STOX2: variants seen among roughly 807,000 people sequenced by gnomAD.
The protein encoded by STOX2 is storkhead-box protein 2.
Under a neutral mutation model 60.9 loss-of-function variants are expected in STOX2, and 28 were observed. That is an observed-to-expected ratio of 0.46 (90% CI 0.34 to 0.63). The LOEUF (loss-of-function observed/expected upper bound fraction) is 0.63, where lower values mean the gene tolerates loss of function less well. Ranked by LOEUF, STOX2 falls within the 30% of genes least tolerant of loss-of-function variation. The pLI is 0.01. For synonymous variants in STOX2, 472 were observed against 463.9 expected (o/e 1.02, Z -0.22); for missense variants, 1,024 against 1,187.7 (o/e 0.86, Z 2.03).
chr4:183,804,313 G>A (rs142429547), intron 1 of STOX2, among the ~76,000 whole-genome samples: 2 of 152,324 alleles, frequency 1.3e-5, no homozygotes, highest in South Asian at 2.1e-4. Flanking sequence ...ATGACTACTC[G>A]ACAGTACCTC....
chr4:183,932,479 A>G (rs1028035228), intron 1 of STOX2, among the ~76,000 whole-genome samples: 2 of 137,400 alleles, frequency 1.5e-5, no homozygotes, highest in African/African-American at 3.1e-5. Flanking sequence ...GTATGTATAC[A>G]TACAGTATAT....
At chr4:183,829,912 G>A (rs1447443218) in intron 1 of STOX2, among the ~76,000 whole-genome samples, 2 of 152,256 alleles carry the variant, frequency 1.3e-5, no homozygotes, top group Admixed American at 6.5e-5. Flanking sequence ...CATCTGCTGT[G>A]TGTGCTGGGT....
At position 183,865,220 on chromosome 4, in the gene STOX2, A is replaced by T. The variant is rs1740536229; in HGVS notation, c.364+67165A>T. On this transcript the variant is annotated intron_variant, in intron 1 of 2. Coordinates refer to the STOX2 transcript ENST00000513034. This position sits in a 1 kb window ranked among gnomAD's most constrained non-coding sequence, Gnocchi z 4.1. Reference sequence around the variant, plus strand: ...GTGTTTAATCCTTGTTAGGCTTTGTACACAGCACAAACTCCATTGAATGAA... The same window carrying T: ...GTGTTTAATCCTTGTTAGGCTTTGTTCACAGCACAAACTCCATTGAATGAA... 6.6e-6 allele frequency among the ~76,000 whole-genome samples: 1 copy of T among 152,236 alleles called. No homozygotes were observed. Among genetic ancestry groups the T allele is most frequent in the South Asian group, 2.1e-4 (1 of 4,836 alleles).
At chr4:183,867,944 T>C (rs1740608389) in intron 1 of STOX2, among the ~76,000 whole-genome samples, 1 of 152,204 alleles carries the variant, frequency 6.6e-6, no homozygotes, top group African/African-American at 2.4e-5. Context: ...ACAGTCAGAA[T>C]TTTCCCTCTG....
chr4:183,810,556 C>G (rs998843683), intron 1 of STOX2, among the ~76,000 whole-genome samples: 1 of 152,148 alleles, frequency 6.6e-6, no homozygotes, highest in East Asian at 1.9e-4. Context: ...TAAATGTGTT[C>G]CCCAAAGTTC....
intron 1 of STOX2, among the ~76,000 whole-genome samples, chr4:183,858,871 T>C (rs1168101692): frequency 6.6e-6 from 1 of 152,196 alleles, no homozygotes; most frequent in Non-Finnish European, 1.5e-5. Context: ...GGCTGTATAA[T>C]TATTGGAAGC....
Position 184,010,708 on chromosome 4 carries a change from C to G in STOX2, c.1870C>G (p.His624Asp). The G allele has an allele frequency of 1.2e-6, 2 of 1,609,120 alleles. No individual in the cohort carries two copies. Among genetic ancestry groups the G allele is most frequent in the Non-Finnish European group, 1.7e-6 (2 of 1,177,804 alleles). ...ACCTCTGGGAAAGAATAAGGAGGAC[C>G]ATGACACTCTGACTTTGGCAGAAGG... ...PSPLGKNKEDHDTLTLAEGVK... is the reference protein window; with the variant it reads ...PSPLGKNKEDDDTLTLAEGVK... The change falls in exon 3 of 4, where the codon CAT becomes GAT. Residue 624 changes from histidine (H) to aspartate (D), a missense_variant. Around this residue, in one of 3 missense-constraint regions of STOX2, gnomAD observed 922 missense variants for 1,058.3 expected, o/e 0.87. Coordinates refer to ENST00000308497, the MANE Select transcript of STOX2 (RefSeq NM_020225.3). This position sits in a 1 kb window ranked among gnomAD's most constrained non-coding sequence, Gnocchi z 4.5.
chr4:183,799,367 G>A (rs1009639369), intron 1 of STOX2, among the ~76,000 whole-genome samples: 1 of 152,184 alleles, frequency 6.6e-6, no homozygotes, highest in Admixed American at 6.5e-5. Flanking sequence ...CAAGGTGAAC[G>A]CCTCTGAGAC....
intron 1 of STOX2, among the ~76,000 whole-genome samples, chr4:183,914,976 A>G (rs752864808): frequency 3.3e-5 from 5 of 152,246 alleles, no homozygotes; most frequent in Non-Finnish European, 7.3e-5. Context: ...TAGCCGCACA[A>G]AAGACTAGGC....
intron 1 of STOX2, among the ~76,000 whole-genome samples, chr4:183,886,592 T>C (rs1741089266): frequency 6.6e-6 from 1 of 152,166 alleles, no homozygotes; most frequent in African/African-American, 2.4e-5. Flanking sequence ...TCCAGCACCG[T>C]CCAGGTGCAG....
chr4:183,831,989 C>CTTTTTT (rs11310177), intron 1 of STOX2, among the ~76,000 whole-genome samples: 2 of 135,832 alleles, frequency 1.5e-5, no homozygotes, highest in Non-Finnish European at 3.2e-5. Flanking sequence ...TCTTCTTCTT[C>CTTTTTT]TTTTTTTTTT....
At chr4:183,931,506 G>A (rs768470434) in intron 1 of STOX2, among the ~76,000 whole-genome samples, 5 of 152,144 alleles carry the variant, frequency 3.3e-5, no homozygotes, top group African/African-American at 7.2e-5. Context: ...GATATCTAGT[G>A]TCTATATGCA....
intron 1 of STOX2, among the ~76,000 whole-genome samples, chr4:183,964,079 T>G (rs1743493169): frequency 6.6e-6 from 1 of 152,200 alleles, no homozygotes; most frequent in Admixed American, 6.5e-5. Context: ...CCAGCTTTCT[T>G]TACAAAGCTG....
At chr4:183,860,442 C>CAAAAAAAAAAAAAA (rs35753992) in intron 1 of STOX2, among the ~76,000 whole-genome samples, 30 of 121,442 alleles carry the variant, frequency 2.5e-4, no homozygotes, top group Non-Finnish European at 3.6e-4. Context: ...AAACAAAAAA[C>CAAAAAAAAAAAAAA]AAAAAAAAAA....
At position 183,945,694 on chromosome 4, in the gene STOX2, G is replaced by A. The variant is rs76134877; in HGVS notation, c.166+38738G>A. Among the ~76,000 whole-genome samples, 1,022 of 152,266 alleles carry A rather than the reference G, an allele frequency of 6.7e-3. 10 individuals carry two copies. Among genetic ancestry groups the A allele is most frequent in the African/African-American group, 0.024 (984 of 41,532 alleles). On this transcript the variant is annotated intron_variant, in intron 1 of 3. Transcript: ENST00000308497. ...AAAGGGCTGAGGAAATCCGTTTACC[G>A]TGGGTACAGCAAAGTTGTTTCCCAT...
chr4:183,895,441 TA>T (rs1452553072), intron 1 of STOX2, among the ~76,000 whole-genome samples: 2 of 152,198 alleles, frequency 1.3e-5, no homozygotes, highest in African/African-American at 4.8e-5. Context: ...ATTGAGGGCC[TA>T]TTTTTTGAAA....
At position 183,930,100 on chromosome 4, in the gene STOX2, G is replaced by A. The variant is rs549552520; in HGVS notation, c.166+23144G>A. 1.3e-3 allele frequency among the ~76,000 whole-genome samples: 198 copies of A among 151,482 alleles called. 1 individual carries two copies. The highest frequency in any genetic ancestry group is 1.9e-3 in the Non-Finnish European group (127 of 67,914). On this transcript the variant is annotated intron_variant, in intron 1 of 3. Coordinates refer to ENST00000308497, the MANE Select transcript of STOX2 (RefSeq NM_020225.3). ...GGATGGGTCTCGATCTCCTGACCTC[G>A]TGATCCACCCGCCTCGGCCTCCCAA...
chr4:183,883,477 G>A (rs528234183), intron 1 of STOX2, among the ~76,000 whole-genome samples: 3 of 152,000 alleles, frequency 2.0e-5, no homozygotes, highest in Admixed American at 2.0e-4. Context: ...CTGCCACCAC[G>A]CCCAGCTAAT....
At chr4:183,878,490 C>G (rs1484283667) in intron 1 of STOX2, among the ~76,000 whole-genome samples, 1 of 151,914 alleles carries the variant, frequency 6.6e-6, no homozygotes, top group African/African-American at 2.4e-5. Context: ...TGGGTTTAAT[C>G]CAGCAAGTTG....
Sources: gnomAD v4.1 joint callset for allele counts (sites outside exome capture counted in the v4.1 genomes callset) on GRCh38, gnomAD v4.1.1 for gene constraint, gnomAD v4.1.1 regional missense constraint, Gnocchi (gnomAD v3.1) non-coding constraint, MANE v1.5 for transcripts, NCBI Gene and HGNC (gene_info 2026-07-23, HGNC 2026-07-21) for gene names.